Variants in MAP7 observed in about 807,000 individuals in gnomAD.
MAP7 encodes the protein ensconsin.
Under a neutral mutation model 94.8 loss-of-function variants are expected in MAP7, and 52 were observed. That is an observed-to-expected ratio of 0.55 (90% CI 0.44 to 0.69). The LOEUF is 0.69. Among genes scored for constraint, MAP7 ranks in the 30% least tolerant of loss-of-function variants. The probability of loss-of-function intolerance (pLI) is 0.00; values close to 1 mark genes in which losing one functional copy is unlikely to be tolerated. For missense variants in MAP7, 940 were observed against 964.6 expected (o/e 0.97, Z 0.34); for synonymous variants, 350 against 357.0 (o/e 0.98, Z 0.22).
At chr6:136,364,944 GTT>G (rs1793883584) in intron 10 of MAP7, 1 of 152,394 alleles carries the variant, frequency 6.6e-6, no homozygotes, top group Non-Finnish European at 1.5e-5. Context: ...TATGATAAAT[GTT>G]TGTTGTTGTT....
At chr6:136,489,222 A>AG (rs1277003572) in intron 1 of MAP7, among the ~76,000 whole-genome samples, 1 of 152,096 alleles carries the variant, frequency 6.6e-6, no homozygotes, top group Non-Finnish European at 1.5e-5. Flanking sequence ...GTTGGGGGGA[A>AG]GGGGAACCAA....
chr6:136,451,903 A>T (rs1801238777), intron 1 of MAP7, among the ~76,000 whole-genome samples: 1 of 152,206 alleles, frequency 6.6e-6, no homozygotes, highest in Non-Finnish European at 1.5e-5. Flanking sequence ...TCTCATGATA[A>T]AATGTGAATG....
intron 4 of MAP7, among the ~76,000 whole-genome samples, chr6:136,388,800 G>A (rs898957491): frequency 3.9e-5 from 6 of 152,134 alleles, no homozygotes; most frequent in Non-Finnish European, 7.4e-5. Context: ...GCATGGTAGT[G>A]CAGATCTTAG....
intron 1 of MAP7, among the ~76,000 whole-genome samples, chr6:136,488,137 G>C (rs1208434143): frequency 6.6e-6 from 1 of 152,072 alleles, no homozygotes; most frequent in African/African-American, 2.4e-5. Flanking sequence ...TAATATTCTT[G>C]TACAAGCTTT....
intron 16 of MAP7, among the ~76,000 whole-genome samples, chr6:136,354,018 T>G (rs1207671702): frequency 6.6e-6 from 1 of 150,992 alleles, no homozygotes; most frequent in Non-Finnish European, 1.5e-5. Context: ...TGATCTGCTG[T>G]TTTGGCTTTA....
chr6:136,377,933 A>G (rs931110038), intron 6 of MAP7, 65 bp from the exon 7 acceptor site: 8 of 1,154,512 alleles, frequency 6.9e-6, no homozygotes, highest in Admixed American at 5.2e-5. Context: ...GGCATAATAC[A>G]TCGTACCTAT....
At chr6:136,450,256 T>C (rs1318529586) in intron 1 of MAP7, among the ~76,000 whole-genome samples, 3 of 152,186 alleles carry the variant, frequency 2.0e-5, no homozygotes, top group Non-Finnish European at 4.4e-5. Flanking sequence ...CAATTCTAAG[T>C]AGAAAAAGTA....
At chr6:136,450,555 C>T (rs374520515) in intron 1 of MAP7, among the ~76,000 whole-genome samples, 7 of 151,852 alleles carry the variant, frequency 4.6e-5, no homozygotes, top group Admixed American at 2.0e-4. Flanking sequence ...TATAGAAGGG[C>T]GGGCTGATCA....
chr6:136,394,930 T>TCATATATATATATATATACA (rs1562349915), intron 3 of MAP7, among the ~76,000 whole-genome samples: 2 of 10,754 alleles, frequency 1.9e-4, no homozygotes, highest in African/African-American at 4.4e-4. Context: ...TAATATTCCA[T>TCATATATATATATATATACA]CATATATATA....
intron 7 of MAP7, among the ~76,000 whole-genome samples, chr6:136,376,974 A>G (rs1283466854): frequency 1.7e-4 from 26 of 152,228 alleles, no homozygotes; most frequent in Non-Finnish European, 1.6e-4. Flanking sequence ...ATTGTCCCCA[A>G]AGATATTTGG....
chr6:136,411,503 C>G, intron 3 of MAP7, 117 bp downstream of exon 3: 1 of 802,456 alleles, frequency 1.2e-6, no homozygotes, highest in Non-Finnish European at 2.0e-6. Context: ...ATTTTATCAT[C>G]ACATACTAAA....
At chr6:136,360,586 A>T in intron 13 of MAP7, 111 bp downstream of exon 13, 1 of 819,552 alleles carries the variant, frequency 1.2e-6, no homozygotes, top group Non-Finnish European at 2.0e-6. Flanking sequence ...TGAGGGGGCT[A>T]CTAGTTTATG....
intron 17 of MAP7, 100 bp downstream of exon 17, chr6:136,345,756 A>G: frequency 2.0e-6 from 2 of 993,444 alleles, no homozygotes; most frequent in Non-Finnish European, 3.2e-6. Flanking sequence ...TTTGAAGAAC[A>G]AAGTGTTACC....
At chr6:136,375,988 A>G (rs1457313714) in intron 7 of MAP7, among the ~76,000 whole-genome samples, 2 of 152,250 alleles carry the variant, frequency 1.3e-5, no homozygotes, top group Non-Finnish European at 2.9e-5. Context: ...CAAAAATAGT[A>G]AAGACAATTT....
intron 1 of MAP7, among the ~76,000 whole-genome samples, chr6:136,525,669 A>G (rs1827616157): frequency 1.3e-5 from 2 of 152,322 alleles, no homozygotes; most frequent in South Asian, 4.1e-4. Context: ...TCATGCATAC[A>G]CAACCCTACA....
intron 8 of MAP7, among the ~76,000 whole-genome samples, chr6:136,370,801 T>C (rs1216280189): frequency 6.6e-6 from 1 of 152,110 alleles, no homozygotes; most frequent in Non-Finnish European, 1.5e-5. Context: ...AGTTTGAGTT[T>C]TGCAGGACTT....
intron 1 of MAP7, among the ~76,000 whole-genome samples, chr6:136,512,535 A>C (rs1272968003): frequency 6.6e-6 from 1 of 152,186 alleles, no homozygotes; most frequent in Non-Finnish European, 1.5e-5. Flanking sequence ...TCAGTTCCAG[A>C]CCACCCCAAT....
chr6:136,539,359 G>T (rs1326034482), intron 1 of MAP7, among the ~76,000 whole-genome samples: 1 of 152,160 alleles, frequency 6.6e-6, no homozygotes, highest in African/African-American at 2.4e-5. Flanking sequence ...AGACTCCAGA[G>T]ACCTTGCACA....
At chr6:136,405,430 G>C (rs1223337987) in intron 3 of MAP7, among the ~76,000 whole-genome samples, 1 of 152,222 alleles carries the variant, frequency 6.6e-6, no homozygotes, top group Admixed American at 6.5e-5. Flanking sequence ...GGAGGAGAGG[G>C]AATGAACTAT....
Sources: allele counts gnomAD v4.1 joint callset (sites outside exome capture counted in the v4.1 genomes callset), GRCh38; gene constraint gnomAD v4.1.1; transcripts MANE v1.5; gene names NCBI Gene and HGNC (gene_info 2026-07-23, HGNC 2026-07-21).